Variants in PRKCQ observed in about 807,000 individuals in gnomAD.
PRKCQ encodes the protein protein kinase C theta type.
In PRKCQ, 41 loss-of-function variants were observed where a neutral mutation model predicts 91.2. The observed-to-expected ratio is 0.45, with a 90% CI of 0.35 to 0.58. The LOEUF (loss-of-function observed/expected upper bound fraction) is 0.58. Ranked by LOEUF, PRKCQ falls within the 20% of genes least tolerant of loss-of-function variation. PRKCQ has a pLI of 0.00. For synonymous variants in PRKCQ, 307 were observed against 316.9 expected (o/e 0.97, Z 0.33); for missense variants, 673 against 896.5 (o/e 0.75, Z 3.18).
At chr10:6,514,473 T>A (rs1174975677) in intron 2 of PRKCQ, among the ~76,000 whole-genome samples, 1 of 152,218 alleles carries the variant, frequency 6.6e-6, no homozygotes, top group Non-Finnish European at 1.5e-5. Context: ...GTATTTGAAC[T>A]TGATGAAACA....
chr10:6,425,751 T>A (rs1048370709), downstream of PRKCQ, among the ~76,000 whole-genome samples: 8 of 152,046 alleles, frequency 5.3e-5, no homozygotes, highest in African/African-American at 1.9e-4. Context: ...GTCCAGGAGT[T>A]CAAGACCAGC....
intron 12 of PRKCQ, among the ~76,000 whole-genome samples, chr10:6,471,441 G>C (rs1363049945): frequency 6.6e-6 from 1 of 152,124 alleles, no homozygotes; most frequent in Non-Finnish European, 1.5e-5. Flanking sequence ...TGTCAGCAAG[G>C]TTTCAAAGGA....
chr10:6,555,990 C>T (rs576051801), intron 1 of PRKCQ, among the ~76,000 whole-genome samples: 3 of 152,274 alleles, frequency 2.0e-5, no homozygotes, highest in Non-Finnish European at 2.9e-5. Flanking sequence ...GCCTGGGTAA[C>T]AGAGCGAGAC....
chr10:6,533,208 A>AT (rs984578141), intron 1 of PRKCQ, among the ~76,000 whole-genome samples: 1 of 151,846 alleles, frequency 6.6e-6, no homozygotes, highest in Non-Finnish European at 1.5e-5. Context: ...TCACTCTTCT[A>AT]TTTTTTTGAG....
At chr10:6,461,704 C>G (rs1835359959) in intron 14 of PRKCQ, among the ~76,000 whole-genome samples, 2 of 152,238 alleles carry the variant, frequency 1.3e-5, no homozygotes, top group African/African-American at 4.8e-5. Flanking sequence ...CAGCCATCCT[C>G]CTCACTAGAT....
chr10:6,499,370 G>A (rs569354079), intron 4 of PRKCQ, among the ~76,000 whole-genome samples: 23 of 152,282 alleles, frequency 1.5e-4, no homozygotes, highest in Admixed American at 1.2e-3. Flanking sequence ...TCTTTCCAAA[G>A]GGTTGAAAAA....
chr10:6,488,374 T>C (rs1485755458), intron 8 of PRKCQ, among the ~76,000 whole-genome samples: 2 of 150,204 alleles, frequency 1.3e-5, no homozygotes, highest in Non-Finnish European at 3.0e-5. Flanking sequence ...ATTTTCTATG[T>C]AAATAACTAT....
intron 1 of PRKCQ, among the ~76,000 whole-genome samples, chr10:6,520,520 C>T (rs181872449): frequency 1.1e-4 from 17 of 152,316 alleles, no homozygotes; most frequent in Admixed American, 1.1e-3. Flanking sequence ...TGTTTCACAG[C>T]TTCAGCCTTC....
chr10:6,487,294 G>A (rs1275414369), intron 8 of PRKCQ, among the ~76,000 whole-genome samples: 4 of 152,150 alleles, frequency 2.6e-5, no homozygotes, highest in Non-Finnish European at 5.9e-5. Flanking sequence ...AAGGTAACTC[G>A]AAGAAAAAGA....
chr10:6,468,013 C>A lies in PRKCQ; in HGVS notation c.1354-3609G>T, dbSNP rs539161756. On this transcript the variant is annotated intron_variant, in intron 12 of 17. Transcript: ENST00000263125. ...CTTGAGCCTAGGAGTCCAAAGCCAGCCTGGGCAACAGAGTGAGACCCTGTC... is the reference window on the plus strand; with the variant it reads ...CTTGAGCCTAGGAGTCCAAAGCCAGACTGGGCAACAGAGTGAGACCCTGTC... Among the ~76,000 whole-genome samples the A allele has an allele frequency of 3.9e-5, 6 of 152,132 alleles. No homozygotes were observed. The South Asian group carries it at 8.3e-4, about 21-fold the overall frequency.
intron 16 of PRKCQ, among the ~76,000 whole-genome samples, chr10:6,434,966 G>A (rs1163805267): frequency 6.6e-6 from 1 of 152,096 alleles, no homozygotes; most frequent in East Asian, 1.9e-4. Context: ...CCAGGCTGGA[G>A]TGCAGTGGCG....
chr10:6,427,971 C>CCTAA lies in PRKCQ; in HGVS notation c.*232_*235dup, dbSNP rs1485258376. ...AGTAAATAACTATGGTTAGTAATGA[C>CCTAA]CTAACTTCAGGAGCGTCTGTGAGAC... On this transcript the variant is annotated 3_prime_UTR_variant, in exon 18 of 18. Transcript: ENST00000263125. 1.9e-6 allele frequency: 1 copy of CCTAA among 531,026 alleles called. No individual in the cohort carries two copies. The highest frequency in any genetic ancestry group is 1.9e-5 in the African/African-American group (1 of 52,146). 32.9% of individuals were successfully genotyped at this position (531,026 alleles called of 1,614,324 possible). A position where few individuals can be genotyped will look rare whatever the true frequency, so the allele number is the denominator to read the frequency against.
At chr10:6,442,752 G>A (rs1217755960) in intron 15 of PRKCQ, among the ~76,000 whole-genome samples, 6 of 152,036 alleles carry the variant, frequency 3.9e-5, no homozygotes, top group African/African-American at 9.7e-5. Context: ...ACCTGAGGTC[G>A]GGAGTTTGAG....
chr10:6,517,163 C>A (rs1838796644), intron 1 of PRKCQ, among the ~76,000 whole-genome samples: 2 of 151,724 alleles, frequency 1.3e-5, no homozygotes, highest in African/African-American at 4.9e-5. Context: ...CGTTTTACAC[C>A]CGAACTACAC....
chr10:6,456,052 A>AG (rs1834983459), intron 15 of PRKCQ, among the ~76,000 whole-genome samples: 1 of 151,980 alleles, frequency 6.6e-6, no homozygotes, highest in Non-Finnish European at 1.5e-5. Context: ...TTCTGTGAAA[A>AG]GGGGGGAGGT....
chr10:6,486,030 C>T lies in PRKCQ; in HGVS notation c.900+5G>A. ...CGGGAACGTGTCCACGGCACATGCT[C>T]CTACCTGTTGAGTGCTCTCAATCAT... is the stretch of plus-strand genomic sequence containing the variant. On this transcript the variant is annotated splice_donor_5th_base_variant and intron_variant, in intron 9 of 17. Coordinates refer to ENST00000263125, the MANE Select transcript of PRKCQ (RefSeq NM_006257.5). 6.2e-7 allele frequency: 1 copy of T among 1,612,658 alleles called. No individual in the cohort carries two copies. The highest frequency in any genetic ancestry group is 8.5e-7 in the Non-Finnish European group (1 of 1,179,332).
intron 1 of PRKCQ, among the ~76,000 whole-genome samples, chr10:6,542,071 C>A (rs772854980): frequency 4.6e-5 from 7 of 152,250 alleles, no homozygotes; most frequent in Non-Finnish European, 1.0e-4. Context: ...GGGATGCACA[C>A]ATGGACCCCG....
intron 1 of PRKCQ, among the ~76,000 whole-genome samples, chr10:6,533,952 G>C (rs1454120550): frequency 6.6e-6 from 1 of 152,130 alleles, no homozygotes; most frequent in Non-Finnish European, 1.5e-5. Flanking sequence ...CTTGGAATTA[G>C]GAATGACTTC....
chr10:6,515,381 G>A, intron 1 of PRKCQ: 1 of 1,448,816 alleles, frequency 6.9e-7, no homozygotes, highest in Non-Finnish European at 9.0e-7. Context: ...ACTCAACCTT[G>A]CTTTTGAGAA....
Sources: gnomAD v4.1 joint callset for allele counts (sites outside exome capture counted in the v4.1 genomes callset) on GRCh38, gnomAD v4.1.1 for gene constraint, MANE v1.5 for transcripts, NCBI Gene and HGNC (gene_info 2026-07-23, HGNC 2026-07-21) for gene names.